Variants in CLOCK observed in about 807,000 individuals in gnomAD.
The protein encoded by CLOCK is circadian locomoter output cycles protein kaput.
A neutral mutation model predicts 118.4 loss-of-function variants in CLOCK; 43 were observed. The observed-to-expected ratio is 0.36, with a 90% CI of 0.28 to 0.47. The LOEUF (loss-of-function observed/expected upper bound fraction) is 0.47, where lower values mean the gene tolerates loss of function less well. Among genes scored for constraint, CLOCK ranks in the 20% least tolerant of loss-of-function variants. CLOCK has a pLI of 1.00. For synonymous variants in CLOCK, 326 were observed against 339.2 expected (o/e 0.96, Z 0.43); for missense variants, 846 against 999.9 (o/e 0.85, Z 2.08).
Position 55,429,625 on chromosome 4 carries a change from A to G in CLOCK, c.*5790T>C, listed in dbSNP as rs1722381515. Reference sequence around the variant, plus strand: ...TATGGATATGATAATGACAGCCATTAAAAGATGCTATTTCTTTTACTAACA... The same window carrying G: ...TATGGATATGATAATGACAGCCATTGAAAGATGCTATTTCTTTTACTAACA... On this transcript the variant is annotated 3_prime_UTR_variant, in exon 23 of 23. Transcript: ENST00000513440. 1 of 152,214 alleles carries G rather than the reference A, an allele frequency of 6.6e-6. No individual in the cohort carries two copies. Among genetic ancestry groups the G allele is most frequent in the Admixed American group, 6.5e-5 (1 of 15,276 alleles). 9.4% of individuals were successfully genotyped at this position (152,214 alleles called of 1,614,324 possible).
intron 2 of CLOCK, among the ~76,000 whole-genome samples, chr4:55,497,847 T>C (rs1728184073): frequency 1.3e-5 from 2 of 152,132 alleles, no homozygotes. Flanking sequence ...ACATATGATG[T>C]AATTTATATG....
chr4:55,482,792 C>T lies in CLOCK; in HGVS notation c.-7G>A. ...AGCTTACGGTAAACAACATAACATA[C>T]TACGTTTTCGTCTTGTAGTAGACAT... On this transcript the variant is annotated 5_prime_UTR_variant, in exon 4 of 23. Coordinates refer to ENST00000513440, the MANE Select transcript of CLOCK (RefSeq NM_004898.4). The T allele has an allele frequency of 6.2e-7, 1 of 1,607,246 alleles. No homozygotes were observed. The highest frequency in any genetic ancestry group is 8.5e-7 in the Non-Finnish European group (1 of 1,176,098).
At chr4:55,520,302 C>CAGATGAAA in intron 1 of CLOCK, among the ~76,000 whole-genome samples, 1 of 152,318 alleles carries the variant, frequency 6.6e-6, no homozygotes, top group East Asian at 1.9e-4. Context: ...TCTCCCAAAA[C>CAGATGAAA]CTTGACTTCT....
chr4:55,538,920 G>A (rs12649059), intron 1 of CLOCK, among the ~76,000 whole-genome samples: 1 of 152,186 alleles, frequency 6.6e-6, no homozygotes, highest in African/African-American at 2.4e-5. Context: ...TACCAACTTA[G>A]AACTTAATAG....
intron 13 of CLOCK, among the ~76,000 whole-genome samples, chr4:55,454,613 CAAAAAAAAAAAAA>C (rs10566273): frequency 0.069 from 4,873 of 70,310 alleles, 140 homozygotes; most frequent in Non-Finnish European, 0.087. Context: ...GACTCCATCC[CAAAAAAAAAAAAA>C]AAAAAAAAAA....
Position 55,438,377 on chromosome 4 carries a change from G to A in CLOCK, c.2266C>T (p.Gln756Ter), listed in dbSNP as rs1334952097. 1.2e-6 allele frequency: 2 copies of A among 1,613,888 alleles called. No homozygotes were observed. Among genetic ancestry groups the A allele is most frequent in the Non-Finnish European group, 1.7e-6 (2 of 1,179,924 alleles). Residue 756 changes from glutamine to a stop codon, truncating the protein, a stop_gained, in exon 22 of 23, where the codon CAG becomes TAG. Transcript: ENST00000513440. LOFTEE classifies it high-confidence loss of function. ...QQSQTLSVTQ[Q>*]QQQQSSQEQQ... is the part of the protein sequence containing the mutation. ...TCCTGGGAGCTCTGCTGCTGCTGCT[G>A]CTGCGTTACTGACAATGTCTGTGAC... is the stretch of plus-strand genomic sequence containing the variant.
chr4:55,524,339 C>CA (rs1730032768), intron 1 of CLOCK, among the ~76,000 whole-genome samples: 1 of 151,748 alleles, frequency 6.6e-6, no homozygotes, highest in African/African-American at 2.4e-5. Context: ...GCTGAGATTG[C>CA]AGTGAGCGGA....
intron 1 of CLOCK, among the ~76,000 whole-genome samples, chr4:55,513,343 A>G (rs1280843400): frequency 6.6e-6 from 1 of 152,138 alleles, no homozygotes. Context: ...CAGGCTATAC[A>G]TCTAAGTTTG....
At chr4:55,505,035 T>G (rs1279880448) in intron 2 of CLOCK, among the ~76,000 whole-genome samples, 1 of 151,554 alleles carries the variant, frequency 6.6e-6, no homozygotes, top group Admixed American at 6.6e-5. Context: ...ATACAAAAAT[T>G]AGCCGGGTAT....
chr4:55,536,653 G>C (rs1730921913), intron 1 of CLOCK, among the ~76,000 whole-genome samples: 1 of 152,130 alleles, frequency 6.6e-6, no homozygotes, highest in Non-Finnish European at 1.5e-5. Flanking sequence ...AGAACCGTAA[G>C]CCAATTAAGC....
At chr4:55,486,627 C>T (rs7684810) in intron 3 of CLOCK, 109,228 of 152,124 alleles carry the variant, frequency 0.72, 39,797 homozygotes, top group African/African-American at 0.83. Context: ...CCTTAATCAA[C>T]AGTTTAGTTG....
chr4:55,530,355 T>C (rs934904064), intron 1 of CLOCK, among the ~76,000 whole-genome samples: 1 of 152,110 alleles, frequency 6.6e-6, no homozygotes, highest in African/African-American at 2.4e-5. Flanking sequence ...GAGAATTAAT[T>C]TGAATTTAAA....
At chr4:55,456,077 T>C (rs1724901611) in intron 12 of CLOCK, 74 bp from the exon 13 acceptor site, 2 of 973,268 alleles carry the variant, frequency 2.1e-6, no homozygotes, top group Admixed American at 4.4e-5. Context: ...AAATAAACTT[T>C]GGGGGGGGGG....
chr4:55,482,508 G>T (rs1026376856), intron 4 of CLOCK, among the ~76,000 whole-genome samples: 1 of 152,068 alleles, frequency 6.6e-6, no homozygotes, highest in African/African-American at 2.4e-5. Context: ...AAAATTACAA[G>T]TCAGGACTCA....
At chr4:55,495,844 C>T (rs1000983592) in intron 2 of CLOCK, among the ~76,000 whole-genome samples, 28 of 151,996 alleles carry the variant, frequency 1.8e-4, no homozygotes, top group African/African-American at 4.8e-5. Flanking sequence ...ACTGGGATAG[C>T]ATGTGATCCA....
At chr4:55,482,631 T>C in intron 4 of CLOCK, 108 bp downstream of exon 4, 1 of 700,886 alleles carries the variant, frequency 1.4e-6, no homozygotes, top group Non-Finnish European at 2.3e-6. Flanking sequence ...GCAATAGTAA[T>C]TATGTTTAGG....
At position 55,536,559 on chromosome 4, in the gene CLOCK, C is replaced by G. The variant is rs186690721; in HGVS notation, c.-290+10223G>C. Among the ~76,000 whole-genome samples the G allele has an allele frequency of 3.6e-3, 548 of 152,296 alleles. 3 individuals are homozygous for G. The highest frequency in any genetic ancestry group is 6.6e-3 in the Non-Finnish European group (451 of 68,020). ...ACTCTTGCCTTGTCATGCACCTGCT[C>G]TCCCTTCACTTTCAGCCATGACTAG... On this transcript the variant is annotated intron_variant, in intron 1 of 22. Coordinates refer to ENST00000513440, the MANE Select transcript of CLOCK (RefSeq NM_004898.4).
intron 20 of CLOCK, 82 bp downstream of exon 20, chr4:55,443,605 T>C: frequency 9.6e-7 from 1 of 1,040,790 alleles, no homozygotes; most frequent in East Asian, 2.4e-5. Flanking sequence ...TATTTTATCA[T>C]TAGAGCTTTA....
intron 2 of CLOCK, chr4:55,501,851 C>T (rs7670225): frequency 0.69 from 104,731 of 152,048 alleles, 36,334 homozygotes; most frequent in South Asian, 0.81. Context: ...TTCATCTGTT[C>T]TGCTCCTTCC....
Sources: allele counts gnomAD v4.1 joint callset (sites outside exome capture counted in the v4.1 genomes callset), GRCh38; gene constraint gnomAD v4.1.1; transcripts MANE v1.5; gene names NCBI Gene and HGNC (gene_info 2026-07-23, HGNC 2026-07-21).